The following WDR25 variants were observed in gnomAD, a reference collection of about 807,000 sequenced individuals.
The protein encoded by WDR25 is WD repeat-containing protein 25.
Under a neutral mutation model 47.7 loss-of-function variants are expected in WDR25, and 35 were observed. The ratio of observed to expected loss-of-function variants is 0.73; its 90% CI spans 0.56 to 0.97. The LOEUF is 0.97. Among genes scored for constraint, WDR25 ranks in the 50% least tolerant of loss-of-function variants. WDR25 has a pLI of 0.00. For synonymous variants in WDR25, 248 were observed against 278.9 expected, an observed-to-expected ratio of 0.89 and a Z score of 1.10; for missense variants, 634 against 704.7, an observed-to-expected ratio of 0.90 and a Z score of 1.14.
intron 3 of WDR25, among the ~76,000 whole-genome samples, chr14:100,478,717 T>G (rs867196394): frequency 3.7e-4 from 56 of 152,204 alleles, no homozygotes; most frequent in Admixed American, 2.6e-3. Flanking sequence ...AAAATAACAT[T>G]CAGATTTTTT....
intron 2 of WDR25, among the ~76,000 whole-genome samples, chr14:100,383,371 T>C (rs1445942166): frequency 6.6e-6 from 1 of 152,240 alleles, no homozygotes; most frequent in Non-Finnish European, 1.5e-5. Flanking sequence ...TTCTCTGCTC[T>C]CCTTCCCAAG....
At chr14:100,515,096 A>G (rs1358407165) in intron 4 of WDR25, among the ~76,000 whole-genome samples, 1 of 152,074 alleles carries the variant, frequency 6.6e-6, no homozygotes, top group Non-Finnish European at 1.5e-5. Flanking sequence ...GCTTTTCTGT[A>G]TATAATGCAT....
At position 100,500,231 on chromosome 14, in the gene WDR25, G is replaced by C. The variant is rs1271540181; in HGVS notation, c.1101+16107G>C. 6.6e-6 allele frequency among the ~76,000 whole-genome samples: 1 copy of C among 152,092 alleles called. No individual in the cohort carries two copies. Among genetic ancestry groups the C allele is most frequent in the Non-Finnish European group, 1.5e-5 (1 of 68,022 alleles). ...GTGGACACTGGAGGGGCCCGAGAGT[G>C]GGGTGGCTTGCTCACTCTTACTTCT... On this transcript the variant is annotated intron_variant, in intron 4 of 6. Transcript: ENST00000402312. The surrounding 1 kb of genome is among the most constrained non-coding windows in gnomAD (Gnocchi z 4.7).
intron 2 of WDR25, among the ~76,000 whole-genome samples, chr14:100,433,941 T>A (rs753129317): frequency 2.0e-5 from 3 of 151,954 alleles, no homozygotes; most frequent in Non-Finnish European, 2.9e-5. Context: ...AAACCAAGAT[T>A]TTGGCCAGGC....
chr14:100,473,758 T>C (rs1488522059), intron 3 of WDR25, among the ~76,000 whole-genome samples: 2 of 152,216 alleles, frequency 1.3e-5, no homozygotes, highest in Non-Finnish European at 2.9e-5. Flanking sequence ...CTTGTTGTGC[T>C]AAGCCTTTGA....
chr14:100,489,065 G>A (rs1172637351), intron 4 of WDR25, among the ~76,000 whole-genome samples: 1 of 152,220 alleles, frequency 6.6e-6, no homozygotes, highest in Non-Finnish European at 1.5e-5. Context: ...CGACATAGAG[G>A]GCATGGCCCC....
intron 2 of WDR25, among the ~76,000 whole-genome samples, chr14:100,394,874 A>G (rs1897222286): frequency 6.6e-6 from 1 of 152,178 alleles, no homozygotes; most frequent in South Asian, 2.1e-4. Flanking sequence ...AGTCCCAGCT[A>G]CTTGGGAGGC....
chr14:100,411,160 G>T (rs1299908136), intron 2 of WDR25, among the ~76,000 whole-genome samples: 1 of 152,108 alleles, frequency 6.6e-6, no homozygotes, highest in South Asian at 2.1e-4. Context: ...ATAGTCTCTG[G>T]TAAGCCATTT....
At chr14:100,473,072 C>G (rs1899898396) in intron 3 of WDR25, among the ~76,000 whole-genome samples, 1 of 152,252 alleles carries the variant, frequency 6.6e-6, no homozygotes. Context: ...TTGTCTCTCC[C>G]TTGTTTTCAA....
intron 4 of WDR25, among the ~76,000 whole-genome samples, chr14:100,520,020 T>C (rs1321308419): frequency 6.8e-6 from 1 of 146,704 alleles, no homozygotes; most frequent in Non-Finnish European, 1.5e-5. Flanking sequence ...ACTATATATA[T>C]ACACATTGAT....
At position 100,459,927 on chromosome 14, in the gene WDR25, T is replaced by C. The variant is rs1368142325; in HGVS notation, c.823-8094T>C. Among the ~76,000 whole-genome samples the C allele has an allele frequency of 2.1e-3, 164 of 79,486 alleles. 1 individual carries two copies. Among genetic ancestry groups the C allele is most frequent in the African/African-American group, 9.0e-3 (153 of 17,082 alleles). 52.1% of individuals were successfully genotyped at this position (79,486 alleles called of 152,430 possible). On this transcript the variant is annotated intron_variant, in intron 2 of 6. Coordinates refer to ENST00000402312, the MANE Select transcript of WDR25 (RefSeq NM_001161476.3). ...ATATATATATATATATATATATATA[T>C]ATATATATATATACACATACACATA...
At chr14:100,391,453 T>G (rs938061099) in intron 2 of WDR25, among the ~76,000 whole-genome samples, 1 of 152,224 alleles carries the variant, frequency 6.6e-6, no homozygotes, top group East Asian at 1.9e-4. Flanking sequence ...AATGACCTTC[T>G]TCCCATCCGG....
chr14:100,497,315 G>C (rs925511358), intron 4 of WDR25, among the ~76,000 whole-genome samples: 5 of 152,140 alleles, frequency 3.3e-5, no homozygotes, highest in Admixed American at 6.5e-5. Flanking sequence ...CAGTGACTGA[G>C]AGAGGAGTGT....
chr14:100,380,863 T>C, intron 1 of WDR25, 47 bp from the exon 2 acceptor site: 11 of 1,515,246 alleles, frequency 7.3e-6, no homozygotes, highest in Non-Finnish European at 9.0e-6. Flanking sequence ...ACTACATACA[T>C]ATTCTTCCAT....
intron 2 of WDR25, among the ~76,000 whole-genome samples, chr14:100,466,726 G>T (rs761214966): frequency 2.0e-5 from 3 of 152,318 alleles, no homozygotes; most frequent in Non-Finnish European, 4.4e-5. Flanking sequence ...ACTCCCACAC[G>T]CTGGCTGCAA....
Position 100,428,170 on chromosome 14 carries a change from C to T in WDR25, c.823-39851C>T, listed in dbSNP as rs971628214. 8.5e-5 allele frequency among the ~76,000 whole-genome samples: 13 copies of T among 152,220 alleles called. No individual in the cohort carries two copies. Among genetic ancestry groups the T allele is most frequent in the Non-Finnish European group, 1.5e-4 (10 of 68,046 alleles). Reference sequence around the variant, plus strand: ...GGAAACGTTTGTCGTGTGCTCCGACCGAAGCGTTGGCACTGACCCGTCTAG... The same window carrying T: ...GGAAACGTTTGTCGTGTGCTCCGACTGAAGCGTTGGCACTGACCCGTCTAG... On this transcript the variant is annotated intron_variant, in intron 2 of 6. Coordinates refer to ENST00000402312, the MANE Select transcript of WDR25 (RefSeq NM_001161476.3). This position sits in a 1 kb window ranked among gnomAD's most constrained non-coding sequence, Gnocchi z 4.3.
At position 100,500,234 on chromosome 14, in the gene WDR25, G is replaced by A. The variant is rs1216279982; in HGVS notation, c.1101+16110G>A. ...GACACTGGAGGGGCCCGAGAGTGGG[G>A]TGGCTTGCTCACTCTTACTTCTCTC... On this transcript the variant is annotated intron_variant, in intron 4 of 6. Transcript: ENST00000402312. The surrounding 1 kb of genome is among the most constrained non-coding windows in gnomAD (Gnocchi z 4.7). 6.6e-6 allele frequency among the ~76,000 whole-genome samples: 1 copy of A among 152,098 alleles called. No individual in the cohort carries two copies. Among genetic ancestry groups the A allele is most frequent in the African/African-American group, 2.4e-5 (1 of 41,414 alleles).
In WDR25 at chr14:100,428,976, A is replaced by G. The variant is rs1898249947; in HGVS notation, c.823-39045A>G. Among the ~76,000 whole-genome samples, 1 of 152,170 alleles carries G rather than the reference A, an allele frequency of 6.6e-6. No individual in the cohort carries two copies. The highest frequency in any genetic ancestry group is 1.5e-5 in the Non-Finnish European group (1 of 68,036). On this transcript the variant is annotated intron_variant, in intron 2 of 6. Transcript: ENST00000402312. This position sits in a 1 kb window ranked among gnomAD's most constrained non-coding sequence, Gnocchi z 4.3. ...CCCGAGCGTGTCAGCTTCACTTCACATAAGTCATTTCAGATCCTGCACTTA... is the reference window on the plus strand; with the variant it reads ...CCCGAGCGTGTCAGCTTCACTTCACGTAAGTCATTTCAGATCCTGCACTTA...
intron 2 of WDR25, among the ~76,000 whole-genome samples, chr14:100,463,979 C>G (rs899547041): frequency 6.6e-6 from 1 of 152,184 alleles, no homozygotes; most frequent in Non-Finnish European, 1.5e-5. Flanking sequence ...TCCTTCATCT[C>G]TCTTGCCCTT....
Sources: allele counts gnomAD v4.1 joint callset (sites outside exome capture counted in the v4.1 genomes callset), GRCh38; gene constraint gnomAD v4.1.1; non-coding constraint Gnocchi (gnomAD v3.1); transcripts MANE v1.5; gene names NCBI Gene and HGNC (gene_info 2026-07-23, HGNC 2026-07-21).